Variants in ANKRD36C observed in about 807,000 individuals in gnomAD.
ANKRD36C encodes ankyrin repeat domain-containing protein 36C.
Under a neutral mutation model 276.4 loss-of-function variants are expected in ANKRD36C, and 61 were observed. That is an observed-to-expected ratio of 0.22 (90% CI 0.18 to 0.27). The LOEUF (loss-of-function observed/expected upper bound fraction) is 0.27. ANKRD36C is among the 10% of genes least tolerant of loss of function. The pLI is 1.00. For missense variants in ANKRD36C, 1,447 were observed against 2,032.3 expected (o/e 0.71, Z 5.54); for synonymous variants, 483 against 680.1 (o/e 0.71, Z 4.51).
At chr2:95,864,734 C>A (rs1353054041) in intron 60 of ANKRD36C, among the ~76,000 whole-genome samples, 2 of 151,984 alleles carry the variant, frequency 1.3e-5, no homozygotes, top group Admixed American at 6.6e-5. Context: ...TATGGATGAT[C>A]TATGGCTGCT....
chr2:95,965,225 CACAA>C (rs1451332427), intron 6 of ANKRD36C, among the ~76,000 whole-genome samples: 2 of 151,904 alleles, frequency 1.3e-5, no homozygotes, highest in Non-Finnish European at 2.9e-5. Flanking sequence ...CACACACACA[CACAA>C]ACACACACAC....
exon 65 of ANKRD36C, chr2:95,852,171 G>T (rs1431529087): frequency 6.2e-7 from 1 of 1,608,528 alleles, no homozygotes; most frequent in Admixed American, 1.7e-5. Context: ...TATAGTAGCT[G>T]TAAGTTGATC....
intron 32 of ANKRD36C, among the ~76,000 whole-genome samples, chr2:95,923,079 G>T (rs1338904799): frequency 6.6e-6 from 1 of 151,504 alleles, no homozygotes; most frequent in Non-Finnish European, 1.5e-5. Flanking sequence ...GGTCTCATTA[G>T]TTCTCGTTCT....
chr2:95,979,687 A>G (rs1250340259), intron 5 of ANKRD36C, among the ~76,000 whole-genome samples: 2 of 152,022 alleles, frequency 1.3e-5, no homozygotes, highest in Non-Finnish European at 2.9e-5. Flanking sequence ...GGTAGCAATA[A>G]AGAAAAAAAC....
At position 95,865,104 on chromosome 2, in the gene ANKRD36C, T is replaced by C. The variant is rs1225390009; in HGVS notation, c.3682+2336A>G. On this transcript the variant is annotated intron_variant, in intron 60 of 66. Transcript: ENST00000456556. The stretch of plus-strand genomic sequence containing the variant: ...TCAAATACATCTACATTAAGTAAAC[T>C]ATCATTTACAACTTCATCAAAAATG... Among the ~76,000 whole-genome samples, 5 of 152,004 alleles carry C rather than the reference T, an allele frequency of 3.3e-5. No individual in the cohort carries two copies. In the East Asian group the frequency reaches 9.6e-4, roughly 29 times the overall value.
At chr2:95,894,003 G>A (rs60273147) in intron 44 of ANKRD36C, among the ~76,000 whole-genome samples, 42,063 of 151,168 alleles carry the variant, frequency 0.28, 6,789 homozygotes, top group East Asian at 0.47. Flanking sequence ...TGCATAGGCC[G>A]AGTGATGAGA....
chr2:95,965,146 T>C (rs1005180219), intron 6 of ANKRD36C, among the ~76,000 whole-genome samples: 9 of 151,598 alleles, frequency 5.9e-5, no homozygotes, highest in African/African-American at 2.2e-4. Context: ...AGCAAATAAA[T>C]ATGGAACAGA....
chr2:95,874,218 C>T (rs910725609), intron 59 of ANKRD36C, among the ~76,000 whole-genome samples: 2 of 152,166 alleles, frequency 1.3e-5, no homozygotes, highest in South Asian at 2.1e-4. Context: ...CCCGCATCAC[C>T]AAGTCAATCC....
chr2:95,921,888 CTGTA>C, intron 32 of ANKRD36C, 78 bp from the exon 33 acceptor site: 1 of 1,408,794 alleles, frequency 7.1e-7, no homozygotes, highest in Non-Finnish European at 9.6e-7. Flanking sequence ...TAGCATCAAG[CTGTA>C]TCTGCCTGCC....
chr2:95,913,289 C>G (rs1290121504), intron 40 of ANKRD36C, among the ~76,000 whole-genome samples: 1 of 150,478 alleles, frequency 6.6e-6, no homozygotes, highest in African/African-American at 2.4e-5. Flanking sequence ...CTAAAATACT[C>G]TTGTTGGGAG....
chr2:95,915,660 C>A (rs956510275), intron 38 of ANKRD36C, among the ~76,000 whole-genome samples: 16 of 151,474 alleles, frequency 1.1e-4, no homozygotes, highest in African/African-American at 3.4e-4. Flanking sequence ...TGTACTTCCT[C>A]CCTTTCTCCT....
intron 64 of ANKRD36C, 51 bp downstream of exon 84, chr2:95,853,658 G>C (rs1675342131): frequency 6.5e-7 from 1 of 1,543,428 alleles, no homozygotes; most frequent in Non-Finnish European, 8.8e-7. Flanking sequence ...CTTTATATTA[G>C]TTAACTAGCT....
chr2:95,943,258 C>A (rs1297349555), intron 19 of ANKRD36C, among the ~76,000 whole-genome samples: 1 of 151,746 alleles, frequency 6.6e-6, no homozygotes, highest in African/African-American at 2.4e-5. Context: ...CCGAGGCGGG[C>A]AGATCACGAG....
At chr2:95,961,707 T>C (rs1349813438) in intron 8 of ANKRD36C, among the ~76,000 whole-genome samples, 1 of 152,040 alleles carries the variant, frequency 6.6e-6, no homozygotes, top group Non-Finnish European at 1.5e-5. Context: ...GGGTAATGTG[T>C]CACTGTGGGT....
chr2:95,921,193 G>A (rs1177665224), intron 34 of ANKRD36C, among the ~76,000 whole-genome samples: 1 of 150,616 alleles, frequency 6.6e-6, no homozygotes, highest in African/African-American at 2.5e-5. Flanking sequence ...TCATTCTACA[G>A]TGTCTATGGG....
intron 44 of ANKRD36C, among the ~76,000 whole-genome samples, chr2:95,897,706 C>T (rs200518446): frequency 0.049 from 7,102 of 145,588 alleles, 375 homozygotes; most frequent in Non-Finnish European, 0.073. Flanking sequence ...ATGCCAAAAA[C>T]TAAAATAAAA....
intron 58 of ANKRD36C, among the ~76,000 whole-genome samples, 156 bp from the exon 79 acceptor site, chr2:95,876,668 G>C (rs1675963903): frequency 6.6e-6 from 1 of 151,202 alleles, no homozygotes; most frequent in Admixed American, 6.6e-5. Flanking sequence ...TGGCTAACAA[G>C]GTGAAACCCC....
chr2:95,912,717 T>C (rs1362281209), intron 40 of ANKRD36C, among the ~76,000 whole-genome samples: 2 of 151,378 alleles, frequency 1.3e-5, no homozygotes, highest in East Asian at 3.9e-4. Flanking sequence ...ATATGCTGAG[T>C]GATGAGGACA....
intron 61 of ANKRD36C, among the ~76,000 whole-genome samples, chr2:95,858,346 T>C (rs1424968594): frequency 6.6e-6 from 1 of 152,232 alleles, no homozygotes; most frequent in Non-Finnish European, 1.5e-5. Flanking sequence ...TCTTAAATAC[T>C]ATTTTTCTTT....
Sources: allele counts gnomAD v4.1 joint callset (sites outside exome capture counted in the v4.1 genomes callset), GRCh38; gene constraint gnomAD v4.1.1; transcripts MANE v1.5; gene names NCBI Gene and HGNC (gene_info 2026-07-23, HGNC 2026-07-21).